Variants in CCDC7 observed in about 807,000 individuals in gnomAD.
CCDC7 encodes coiled-coil domain containing 7.
In CCDC7, 183 loss-of-function variants were observed where a neutral mutation model predicts 196.9. That is an observed-to-expected ratio of 0.93 (90% CI 0.82 to 1.05). The LOEUF (loss-of-function observed/expected upper bound fraction) is 1.05. CCDC7 is among the 50% of genes least tolerant of loss of function. The pLI is 0.00. For missense variants in CCDC7, 1,540 were observed against 1,482.2 expected (o/e 1.04, Z -0.64); for synonymous variants, 525 against 484.6 (o/e 1.08, Z -1.10).
chr10:32,782,916 A>G (rs1472402407), intron 29 of CCDC7, among the ~76,000 whole-genome samples: 1 of 152,226 alleles, frequency 6.6e-6, no homozygotes, highest in Non-Finnish European at 1.5e-5. Flanking sequence ...GTCTTTCCAC[A>G]AACGGTGCTT....
chr10:32,521,638 T>C (rs2135599871), intron 11 of CCDC7, among the ~76,000 whole-genome samples: 1 of 150,442 alleles, frequency 6.6e-6, no homozygotes, highest in Non-Finnish European at 1.5e-5. Context: ...TACCATACCA[T>C]CTGCAAACAA....
chr10:32,601,529 C>G (rs1417477571), intron 18 of CCDC7, among the ~76,000 whole-genome samples: 2 of 152,102 alleles, frequency 1.3e-5, no homozygotes, highest in Non-Finnish European at 2.9e-5. Flanking sequence ...CACCATTTTT[C>G]TGACATTGAG....
Position 32,729,550 on chromosome 10 carries a change from T to G in CCDC7, c.2905+93T>G, listed in dbSNP as rs191285735. The G allele has an allele frequency of 1.0e-3, 556 of 544,806 alleles. 1 individual carries two copies. Among genetic ancestry groups the G allele is most frequent in the African/African-American group, 9.5e-3 (497 of 52,200 alleles). The allele number at this position is 544,806 out of a possible 1,614,324, so 33.7% of individuals were successfully genotyped here. On this transcript the variant is annotated intron_variant, in intron 28 of 41. Transcript: ENST00000639629. ...ATAAATATGCCTTCAACCATATGCT[T>G]CTTCTGCTAATTATTTCCATCACAC...
At chr10:32,608,501 A>G (rs543593644) in intron 18 of CCDC7, among the ~76,000 whole-genome samples, 3 of 151,522 alleles carry the variant, frequency 2.0e-5, no homozygotes, top group South Asian at 2.1e-4. Context: ...TTGTGTTTCA[A>G]TTTCTATTGT....
At chr10:32,879,491 C>T (rs1018169211), downstream of CCDC7, among the ~76,000 whole-genome samples, 1 of 152,036 alleles carries the variant, frequency 6.6e-6, no homozygotes, top group African/African-American at 2.4e-5. Context: ...CAGTGCATGG[C>T]CCCAGTGCAG....
chr10:32,779,306 C>T (rs41299224), intron 29 of CCDC7, among the ~76,000 whole-genome samples: 13,592 of 152,194 alleles, frequency 0.089, 866 homozygotes, highest in East Asian at 0.33. Context: ...TCATATATTT[C>T]CCTTTACCTA....
chr10:32,541,060 T>C, intron 11 of CCDC7, among the ~76,000 whole-genome samples: 1 of 151,808 alleles, frequency 6.6e-6, no homozygotes, highest in East Asian at 1.9e-4. Context: ...TTTTTTTTTT[T>C]TCATTCTTTT....
chr10:32,655,323 T>C (rs775874150), intron 20 of CCDC7, among the ~76,000 whole-genome samples: 11 of 152,170 alleles, frequency 7.2e-5, no homozygotes, highest in Non-Finnish European at 1.3e-4. Context: ...ATAATGACTG[T>C]ACACATATTT....
intron 8 of CCDC7, among the ~76,000 whole-genome samples, chr10:32,489,475 A>T (rs1044758377): frequency 6.6e-6 from 1 of 152,186 alleles, no homozygotes; most frequent in Non-Finnish European, 1.5e-5. Flanking sequence ...GTTGCAGCCC[A>T]CATGTGTACT....
At chr10:32,702,485 ATG>A (rs2078929376) in intron 24 of CCDC7, among the ~76,000 whole-genome samples, 1 of 152,160 alleles carries the variant, frequency 6.6e-6, no homozygotes. Context: ...GCTGAGAAGA[ATG>A]TATATTCTGT....
intron 18 of CCDC7, among the ~76,000 whole-genome samples, chr10:32,602,788 C>T (rs2061194584): frequency 6.6e-6 from 1 of 152,076 alleles, no homozygotes; most frequent in African/African-American, 2.4e-5. Flanking sequence ...TCTGCCATAT[C>T]ATCATCATTC....
At chr10:32,694,221 G>A (rs1487141707) in intron 23 of CCDC7, among the ~76,000 whole-genome samples, 1 of 152,120 alleles carries the variant, frequency 6.6e-6, no homozygotes, top group African/African-American at 2.4e-5. Context: ...CACAAATTGG[G>A]TAAATAATTG....
Position 32,634,915 on chromosome 10 carries a change from C to T in CCDC7, c.1913-142C>T, listed in dbSNP as rs936250123. The T allele has an allele frequency of 3.1e-5, 12 of 391,560 alleles. No homozygotes were observed. The South Asian group carries it at 4.3e-4, about 14-fold the overall frequency. 24.3% of individuals were successfully genotyped at this position (391,560 alleles called of 1,614,324 possible). On this transcript the variant is annotated intron_variant, in intron 19 of 41. Coordinates refer to ENST00000639629, the Ensembl canonical transcript of CCDC7. ...CTCCACACATGAGAATTTTCTGCTT[C>T]GCATCCACGGTCTATTTTAACGAAT...
intron 29 of CCDC7, among the ~76,000 whole-genome samples, chr10:32,781,316 G>A (rs2081033058): frequency 6.6e-6 from 1 of 152,128 alleles, no homozygotes; most frequent in South Asian, 2.1e-4. Context: ...TATGAGGACA[G>A]CATTATCTTG....
rs982516665 is a variant in CCDC7 at position 32,659,254 on chromosome 10, TA to T, written c.2015-4799del. On this transcript the variant is annotated intron_variant, in intron 20 of 41. Transcript: ENST00000639629. The stretch of plus-strand genomic sequence containing the variant: ...GTTTCCATTTTAGTTTATCTTGAGA[TA>T]TTTTTGATTTTCCTTTTTATTTTCT... Among the ~76,000 whole-genome samples, 85 of 152,348 alleles carry T rather than the reference TA, an allele frequency of 5.6e-4. No homozygotes were observed. In the Middle Eastern group the frequency reaches 0.014, roughly 24 times the overall value.
chr10:32,820,995 A>C (rs2090060315), intron 31 of CCDC7, among the ~76,000 whole-genome samples: 1 of 152,198 alleles, frequency 6.6e-6, no homozygotes, highest in Non-Finnish European at 1.5e-5. Context: ...GAGCTTCTGC[A>C]CAGCAAAGGA....
intron 13 of CCDC7, among the ~76,000 whole-genome samples, chr10:32,554,946 A>G (rs2054109658): frequency 6.6e-6 from 1 of 152,220 alleles, no homozygotes; most frequent in East Asian, 1.9e-4. Flanking sequence ...CAAATAAGTG[A>G]GAACATGTGA....
chr10:32,848,720 TA>T lies in CCDC7; in HGVS notation c.3895+5del. On this transcript the variant is annotated splice_donor_region_variant and intron_variant, in intron 39 of 41. Coordinates refer to ENST00000639629, the Ensembl canonical transcript of CCDC7. ...ATTTATCACCCTTTGAAAATAAAGG[TA>T]AAGAATTATGTATGTAGATATGAAT... 1 of 1,533,112 alleles carries T rather than the reference TA, an allele frequency of 6.5e-7. No individual in the cohort carries two copies. Among genetic ancestry groups the T allele is most frequent in the South Asian group, 1.1e-5 (1 of 88,834 alleles). 95.0% of individuals were successfully genotyped at this position (1,533,112 alleles called of 1,614,324 possible).
chr10:32,882,288 T>C lies in CCDC7; in HGVS notation c.*2358-405T>C, dbSNP rs1210490422. The stretch of plus-strand genomic sequence containing the variant: ...TTAACCGGCCTAACAAGATTCTTCT[T>C]AGAGGCAGATTAAGGACTTAGACAT... On this transcript the variant is annotated intron_variant and NMD_transcript_variant, in intron 22 of 22. Coordinates refer to the CCDC7 transcript ENST00000375025. Among the ~76,000 whole-genome samples, 3 of 152,112 alleles carry C rather than the reference T, an allele frequency of 2.0e-5. No homozygotes were observed. The East Asian group carries it at 5.8e-4, about 29-fold the overall frequency.
Sources: allele counts gnomAD v4.1 joint callset (sites outside exome capture counted in the v4.1 genomes callset), GRCh38; gene constraint gnomAD v4.1.1; transcripts MANE v1.5; gene names NCBI Gene and HGNC (gene_info 2026-07-23, HGNC 2026-07-21).